TNXB: variants seen among roughly 807,000 people sequenced by gnomAD.
TNXB encodes the protein tenascin-X.
TNXB carries 183 observed loss-of-function variants against 340.5 expected under a neutral mutation model. That is an observed-to-expected ratio of 0.54 (90% CI 0.48 to 0.61). TNXB has a LOEUF of 0.61. TNXB is among the 20% of genes least tolerant of loss of function. The pLI is 0.00. For missense variants in TNXB, 4,613 were observed against 5,446.4 expected (o/e 0.85, Z 4.82); for synonymous variants, 2,121 against 2,314.5 (o/e 0.92, Z 2.40).
chr6:32,088,706 G>C, intron 6 of TNXB, 79 bp downstream of exon 6: 1 of 1,509,348 alleles, frequency 6.6e-7, no homozygotes, highest in Non-Finnish European at 8.9e-7. Flanking sequence ...GAGTCTGTGA[G>C]CCCTGAGCCT....
Position 32,069,908 on chromosome 6 carries a change from A to T in TNXB, c.5279-47T>A. On this transcript the variant is annotated intron_variant, in intron 14 of 43. Transcript: ENST00000644971. This position sits in a 1 kb window ranked among gnomAD's most constrained non-coding sequence, Gnocchi z 6.2. ...GAAACGGCTGAGCTGTTTCTGGAAGACTGGGTGACCTCGACGGGCAGGATT... is the reference window on the plus strand; with the variant it reads ...GAAACGGCTGAGCTGTTTCTGGAAGTCTGGGTGACCTCGACGGGCAGGATT... 2.6e-6 allele frequency: 4 copies of T among 1,530,222 alleles called. No homozygotes were observed. The highest frequency in any genetic ancestry group is 3.5e-6 in the Non-Finnish European group (4 of 1,135,592). The allele number at this position is 1,530,222 out of a possible 1,614,324, so 94.8% of individuals were successfully genotyped here. A position where few individuals can be genotyped will look rare whatever the true frequency, so the allele number is the denominator to read the frequency against.
Position 32,084,440 on chromosome 6 carries a change from C to G in TNXB, c.3418G>C (p.Gly1140Arg), listed in dbSNP as rs1435025447. 1.3e-6 allele frequency: 2 copies of G among 1,595,720 alleles called. No individual in the cohort carries two copies. Among genetic ancestry groups the G allele is most frequent in the East Asian group, 4.5e-5 (2 of 44,546 alleles). Reference protein sequence around the residue: ...LYGFVGKKRHGPLVAEAKILP... With the variant: ...LYGFVGKKRHRPLVAEAKILP... Reference sequence around the variant, plus strand: ...ATCTTGGCTTCAGCCACCAGCGGACCATGCCTCTTCTTGCCAACAAACCCA... The same window carrying G: ...ATCTTGGCTTCAGCCACCAGCGGACGATGCCTCTTCTTGCCAACAAACCCA... Residue 1140 changes from glycine to arginine, a missense_variant, in exon 8 of 44, where the codon GGT becomes CGT. Gly to Arg is a moderately radical substitution (Grantham distance 125). Coordinates refer to ENST00000644971, the MANE Select transcript of TNXB (RefSeq NM_001365276.2). This position sits in a 1 kb window ranked among gnomAD's most constrained non-coding sequence, Gnocchi z 5.5.
Position 32,079,812 on chromosome 6 carries a change from A to T in TNXB, c.4043-447T>A, listed in dbSNP as rs1182964220. Among the ~76,000 whole-genome samples the T allele has an allele frequency of 6.6e-6, 1 of 152,212 alleles. No homozygotes were observed. The highest frequency in any genetic ancestry group is 2.4e-5 in the African/African-American group (1 of 41,448). ...CCTCCCTCCCCTTTAACCCCAAGGA[A>T]TGAATTGCTAAGGCAGGGCTCCAGG... On this transcript the variant is annotated intron_variant, in intron 10 of 43. Coordinates refer to ENST00000644971, the MANE Select transcript of TNXB (RefSeq NM_001365276.2). This position sits in a 1 kb window ranked among gnomAD's most constrained non-coding sequence, Gnocchi z 7.1.
Position 32,073,270 on chromosome 6 carries a change from G to C in TNXB, c.4681+377C>G, listed in dbSNP as rs1162946822. On this transcript the variant is annotated intron_variant, in intron 12 of 43. Coordinates refer to ENST00000644971, the MANE Select transcript of TNXB (RefSeq NM_001365276.2). The surrounding 1 kb of genome is among the most constrained non-coding windows in gnomAD (Gnocchi z 4.6). The stretch of plus-strand genomic sequence containing the variant: ...AAAGCACTTCGCCTCAACAAAAAAG[G>C]GCAGAAGCAGGAGGTGGCAGCTGTG... Among the ~76,000 whole-genome samples, 1 of 152,176 alleles carries C rather than the reference G, an allele frequency of 6.6e-6. No homozygotes were observed. Among genetic ancestry groups the C allele is most frequent in the Non-Finnish European group, 1.5e-5 (1 of 68,030 alleles).
In TNXB at chr6:32,053,602, G is replaced by A. The variant is rs749321395; in HGVS notation, c.8577C>T (p.Ser2859=). Residue 2859 remains serine (S), a synonymous_variant, in exon 25 of 44, where the codon TCC becomes TCT. Coordinates refer to ENST00000644971, the MANE Select transcript of TNXB (RefSeq NM_001365276.2). ...CGGGGACCATCCAGGACAGGCTGAG[G>A]GAGTCAGGGGTGGCATCTGTCACGG... ...ELTVTDATPD[S]LSLSWMVPEG... The A allele has an allele frequency of 1.2e-6, 2 of 1,613,486 alleles. No individual in the cohort carries two copies. Among genetic ancestry groups the A allele is most frequent in the East Asian group, 2.2e-5 (1 of 44,876 alleles).
Position 32,052,079 on chromosome 6 carries a change from T to C in TNXB, c.9115+591A>G, listed in dbSNP as rs1291780606. 6.6e-6 allele frequency among the ~76,000 whole-genome samples: 1 copy of C among 152,196 alleles called. No homozygotes were observed. The highest frequency in any genetic ancestry group is 1.5e-5 in the Non-Finnish European group (1 of 68,050). On this transcript the variant is annotated intron_variant, in intron 26 of 43. Transcript: ENST00000644971. This position sits in a 1 kb window ranked among gnomAD's most constrained non-coding sequence, Gnocchi z 4.7. Reference sequence around the variant, plus strand: ...TTAGAATGGCGAATTATGTCAAGTGTACTTTACTACAATAAAAAACAACAA... The same window carrying C: ...TTAGAATGGCGAATTATGTCAAGTGCACTTTACTACAATAAAAAACAACAA...
rs1429104433 is a variant in TNXB, at chr6:32,048,362, C to T, written c.10045+1G>A. On this transcript the variant is annotated splice_donor_variant, in intron 29 of 43. Transcript: ENST00000644971. LOFTEE classifies it high-confidence loss of function. ...GCGGGAGGCCTCCAGCCCTCACTCA[C>T]CGGTCCTGGCCTCCACAGGGACTGG... The T allele has an allele frequency of 2.0e-6, 3 of 1,476,132 alleles. No individual in the cohort carries two copies. Among genetic ancestry groups the T allele is most frequent in the Non-Finnish European group, 2.7e-6 (3 of 1,110,708 alleles). 91.4% of individuals were successfully genotyped at this position (1,476,132 alleles called of 1,614,324 possible). A position where few individuals can be genotyped will look rare whatever the true frequency, so the allele number is the denominator to read the frequency against.
At chr6:32,056,531 G>A (rs1777654849) in intron 23 of TNXB, 55 bp downstream of exon 23, 1 of 1,590,206 alleles carries the variant, frequency 6.3e-7, no homozygotes, top group Non-Finnish European at 8.6e-7. Context: ...TCACCAAAGA[G>A]CAAGAGGGTG....
chr6:32,053,862 T>C (rs1383683518), intron 24 of TNXB, among the ~76,000 whole-genome samples, 151 bp from the exon 25 acceptor site: 1 of 151,244 alleles, frequency 6.6e-6, no homozygotes, highest in Non-Finnish European at 1.5e-5. Context: ...TCCTGCGGCC[T>C]TTCCTATCCC....
At chr6:32,106,281 C>CAGGATAAG (rs915693363) in intron 1 of TNXB, among the ~76,000 whole-genome samples, 4 of 151,716 alleles carry the variant, frequency 2.6e-5, no homozygotes, top group African/African-American at 9.7e-5. Flanking sequence ...AGGGGGGTCC[C>CAGGATAAG]AGGATAAGAC....
At position 32,087,371 on chromosome 6, in the gene TNXB, G is replaced by A; in HGVS notation, c.2780-1253C>T. The A allele has an allele frequency of 2.1e-6, 1 of 474,040 alleles. No homozygotes were observed. Among genetic ancestry groups the A allele is most frequent in the Non-Finnish European group, 4.2e-6 (1 of 237,690 alleles). 29.4% of individuals were successfully genotyped at this position (474,040 alleles called of 1,614,324 possible). On this transcript the variant is annotated intron_variant, in intron 6 of 43. Transcript: ENST00000644971. The surrounding 1 kb of genome is among the most constrained non-coding windows in gnomAD (Gnocchi z 9.0). ...AGGCTGACGGTGCGCGTGGTGCCCG[G>A]CACAGTCAGCTCACCGCCGGGGCCC...
In TNXB at chr6:32,050,172, G is replaced by A; in HGVS notation, c.9265C>T (p.His3089Tyr). 1.2e-6 allele frequency: 2 copies of A among 1,613,886 alleles called. No individual in the cohort carries two copies. Among genetic ancestry groups the A allele is most frequent in the Non-Finnish European group, 1.7e-6 (2 of 1,179,888 alleles). ...CCATTCCTGTACTGGACCAGGAAGT[G>A]GTCAAACTGGCCCTCGGGAACCATC... ...SWMVPEGQFD[H>Y]FLVQYRNGDG... The change falls in exon 27 of 44, where the codon CAC becomes TAC. Residue 3089 changes from histidine to tyrosine, a missense_variant. By Grantham distance (83) the His-to-Tyr change is moderately conservative (BLOSUM62 2). Transcript: ENST00000644971.
At chr6:32,100,490 G>C (rs1691940375) in intron 1 of TNXB, among the ~76,000 whole-genome samples, 1 of 152,162 alleles carries the variant, frequency 6.6e-6, no homozygotes, top group Non-Finnish European at 1.5e-5. Flanking sequence ...CACTTCAGGA[G>C]GCTTAAGTGT....
chr6:32,058,496 G>T lies in TNXB; in HGVS notation c.7493-106C>A. 1 of 977,692 alleles carries T rather than the reference G, an allele frequency of 1.0e-6. No individual in the cohort carries two copies. Among genetic ancestry groups the T allele is most frequent in the Non-Finnish European group, 1.5e-6 (1 of 679,914 alleles). The allele number at this position is 977,692 out of a possible 1,614,324, so 60.6% of individuals were successfully genotyped here. A position where few individuals can be genotyped will look rare whatever the true frequency, so the allele number is the denominator to read the frequency against. ...CATCAAATGTGCCCCTCCAGAGCAGGCTGAGGGCTGGGGCAGCTTTGTGTT... is the reference window on the plus strand; with the variant it reads ...CATCAAATGTGCCCCTCCAGAGCAGTCTGAGGGCTGGGGCAGCTTTGTGTT... On this transcript the variant is annotated intron_variant, in intron 21 of 43. Coordinates refer to ENST00000644971, the MANE Select transcript of TNXB (RefSeq NM_001365276.2). This position sits in a 1 kb window ranked among gnomAD's most constrained non-coding sequence, Gnocchi z 5.1.
Position 32,097,148 on chromosome 6 carries a change from G to T in TNXB, c.705C>A (p.Cys235Ter). The change falls in exon 3 of 44, where the codon TGC becomes TGA. Residue 235 changes from cysteine to a stop codon, truncating the protein, a stop_gained. Transcript: ENST00000644971. LOFTEE classifies it high-confidence loss of function. The surrounding 1 kb of genome is among the most constrained non-coding windows in gnomAD (Gnocchi z 5.9). Reference sequence around the variant, plus strand: ...AGTCGGGGCCTGAGAAGCCTGCCCGGCACACACACACGCCCTGCACGCAGC... The same window carrying T: ...AGTCGGGGCCTGAGAAGCCTGCCCGTCACACACACACGCCCTGCACGCAGC... ...RGRCVQGVCV[C>*]RAGFSGPDCS... 1 of 1,600,344 alleles carries T rather than the reference G, an allele frequency of 6.2e-7. No individual in the cohort carries two copies.
intron 1 of TNXB, among the ~76,000 whole-genome samples, chr6:32,103,490 A>C (rs572687877): frequency 6.7e-6 from 1 of 149,672 alleles, no homozygotes; most frequent in South Asian, 2.2e-4. Context: ...CCCTCCAGCC[A>C]CCACATATTT....
At chr6:32,056,523 A>AC (rs1777654197) in intron 23 of TNXB, 63 bp downstream of exon 23, 1 of 1,579,242 alleles carries the variant, frequency 6.3e-7, no homozygotes, top group African/African-American at 1.4e-5. Flanking sequence ...ACCAGTCATC[A>AC]CCAAAGAGCA....
rs1323208328 is a variant in TNXB at position 32,068,275 on chromosome 6, A to G, written c.6220+115T>C. 7.0e-7 allele frequency: 1 copy of G among 1,431,308 alleles called. No homozygotes were observed. 88.7% of individuals were successfully genotyped at this position (1,431,308 alleles called of 1,614,324 possible). ...CAAGGGGAGCCCCAGCCCCAGCCAC[A>G]AGCAGGTCTGTGGTGCTGACCAGAC... On this transcript the variant is annotated intron_variant, in intron 17 of 43. Coordinates refer to ENST00000644971, the MANE Select transcript of TNXB (RefSeq NM_001365276.2). This position sits in a 1 kb window ranked among gnomAD's most constrained non-coding sequence, Gnocchi z 5.3.
In TNXB at chr6:32,096,678, G is replaced by C. The variant is rs1204147833; in HGVS notation, c.1175C>G (p.Thr392Arg). Residue 392 changes from threonine (T) to arginine (R), a missense_variant, in exon 3 of 44, where the codon ACG becomes AGG. Physicochemically the swap from Thr to Arg is moderately conservative, Grantham distance 71. Transcript: ENST00000644971. ...RCEDGECICD[T>R]GYSGDDCGVR... is the part of the protein sequence containing the mutation. ...GCCGCAGTCGTCCCCGCTGTAGCCC[G>C]TGTCGCAAATGCATTCGCCGTCCTC... The C allele has an allele frequency of 6.4e-7, 1 of 1,553,556 alleles. No homozygotes were observed. Among genetic ancestry groups the C allele is most frequent in the Non-Finnish European group, 8.7e-7 (1 of 1,152,960 alleles).
Sources: gnomAD v4.1 joint callset for allele counts (sites outside exome capture counted in the v4.1 genomes callset) on GRCh38, gnomAD v4.1.1 for gene constraint, Gnocchi (gnomAD v3.1) non-coding constraint, MANE v1.5 for transcripts, NCBI Gene and HGNC (gene_info 2026-07-23, HGNC 2026-07-21) for gene names.